Variants in TSEN34 observed in about 807,000 individuals in gnomAD.
The protein encoded by TSEN34 is tRNA splicing endonuclease subunit 34.
In TSEN34, 25 loss-of-function variants were observed where a neutral mutation model predicts 30.2. The observed-to-expected ratio is 0.83, with a 90% CI of 0.60 to 1.16. The LOEUF (loss-of-function observed/expected upper bound fraction) is 1.16. TSEN34 is among the 50% of genes most tolerant of loss of function. The pLI, the probability that TSEN34 is intolerant of heterozygous loss-of-function variation, is 0.00. For missense variants in TSEN34, 475 were observed against 411.9 expected, an observed-to-expected ratio of 1.15 and a Z score of -1.33; for synonymous variants, 209 against 177.4, an observed-to-expected ratio of 1.18 and a Z score of -1.41.
In TSEN34 at chr19:54,193,760, T is replaced by G. The variant is rs1016012408; in HGVS notation, c.*398T>G. On this transcript the variant is annotated 3_prime_UTR_variant, in exon 4 of 4. Transcript: ENST00000396388. ...AAGGCCTGGAGGAGGGGGACTGACT[T>G]GCCCAAAGTCACACACTTAGTAAAT... 5 of 703,418 alleles carry G rather than the reference T, an allele frequency of 7.1e-6. No individual in the cohort carries two copies. In the African/African-American group the frequency reaches 8.8e-5, roughly 12 times the overall value. 43.6% of individuals were successfully genotyped at this position (703,418 alleles called of 1,614,324 possible).
chr19:54,191,448 G>C lies in TSEN34; in HGVS notation c.84G>C (p.Val28=), dbSNP rs1212970068. The part of the protein sequence containing the change: ...AVQALRERLG[V]GGRTVGALPR... Reference sequence around the variant, plus strand: ...AGGCCCTCCGGGAGCGCCTGGGTGTGGGGGGCCGCACGGTAGGCGCCCTGC... The same window carrying C: ...AGGCCCTCCGGGAGCGCCTGGGTGTCGGGGGCCGCACGGTAGGCGCCCTGC... Residue 28 remains valine (V), a synonymous_variant, in exon 1 of 4, where the codon GTG becomes GTC. Transcript: ENST00000396388. 4 of 1,547,848 alleles carry C rather than the reference G, an allele frequency of 2.6e-6. No homozygotes were observed. The highest frequency in any genetic ancestry group is 3.5e-6 in the Non-Finnish European group (4 of 1,146,890).
At position 54,193,158 on chromosome 19, in the gene TSEN34, C is replaced by T. The variant is rs1381473058; in HGVS notation, c.746-17C>T. ...CTGCCATTGGTCACTGCTTCAGTGC[C>T]TCTCTCCTTCCCCCAGGTGACCCCC... On this transcript the variant is annotated splice_polypyrimidine_tract_variant and intron_variant, in intron 3 of 3. Transcript: ENST00000396388. 6 of 1,612,568 alleles carry T rather than the reference C, an allele frequency of 3.7e-6. No individual in the cohort carries two copies. The African/African-American group carries it at 8.0e-5, about 22-fold the overall frequency.
upstream of TSEN34, chr19:54,189,959 T>G: frequency 2.9e-6 from 1 of 345,856 alleles, no homozygotes; most frequent in East Asian, 6.1e-5. Context: ...GTTTACTTCG[T>G]AGATAGTTGG....
intron 3 of TSEN34, among the ~76,000 whole-genome samples, 153 bp from the exon 4 acceptor site, chr19:54,193,022 C>A (rs896859344): frequency 7.6e-5 from 6 of 78,802 alleles, no homozygotes; most frequent in African/African-American, 1.8e-4. Context: ...AAAAAAAAAG[C>A]CTAGAAGTGG....
rs2076792067 is a variant in TSEN34, at chr19:54,193,670, G to T, written c.*308G>T. Reference sequence around the variant, plus strand: ...ATAAACTTGGTATATAAATGTTCATGATTTGAATGTTTGCGACAGTCCTGG... The same window carrying T: ...ATAAACTTGGTATATAAATGTTCATTATTTGAATGTTTGCGACAGTCCTGG... On this transcript the variant is annotated 3_prime_UTR_variant, in exon 4 of 4. Transcript: ENST00000396388. 6 of 908,834 alleles carry T rather than the reference G, an allele frequency of 6.6e-6. No homozygotes were observed. In the East Asian group the frequency reaches 1.3e-4, roughly 20 times the overall value. The allele number at this position is 908,834 out of a possible 1,614,324, so 56.3% of individuals were successfully genotyped here.
In TSEN34 at chr19:54,192,296, T is replaced by C; in HGVS notation, c.668T>C (p.Ile223Thr). 1 of 1,614,100 alleles carries C rather than the reference T, an allele frequency of 6.2e-7. No homozygotes were observed. Among genetic ancestry groups the C allele is most frequent in the Non-Finnish European group, 8.5e-7 (1 of 1,180,012 alleles). The change falls in exon 3 of 4, where the codon ATC becomes ACC. Residue 223 changes from isoleucine to threonine, a missense_variant. Transcript: ENST00000396388. ...GRPAHELRYS[I>T]YRDLWERGFF... Reference sequence around the variant, plus strand: ...CCTGCCCACGAGCTGCGCTACAGTATCTACAGAGACCTGTGGGAGCGAGGC... The same window carrying C: ...CCTGCCCACGAGCTGCGCTACAGTACCTACAGAGACCTGTGGGAGCGAGGC...
At chr19:54,191,070 C>A (rs1380042866), upstream of TSEN34, 3 of 1,281,964 alleles carry the variant, frequency 2.3e-6, no homozygotes, top group African/African-American at 4.7e-5. Flanking sequence ...AGAGCGGGTG[C>A]CGACCGCAGG....
At chr19:54,191,671 C>T (rs1403332450) in intron 1 of TSEN34, 50 bp from the exon 2 acceptor site, 4 of 1,612,218 alleles carry the variant, frequency 2.5e-6, no homozygotes, top group South Asian at 2.2e-5. Context: ...AGTTTCCTGG[C>T]TTCTGAAGGG....
At chr19:54,190,334 G>C, upstream of TSEN34, 1 of 1,523,290 alleles carries the variant, frequency 6.6e-7, no homozygotes, top group Non-Finnish European at 8.9e-7. Context: ...GGTGCGCAGT[G>C]GGTGGCTCCA....
chr19:54,190,553 TG>T (rs1336229441), upstream of TSEN34: 14 of 1,232,382 alleles, frequency 1.1e-5, no homozygotes, highest in East Asian at 4.1e-4. Flanking sequence ...TGGGGTGCGC[TG>T]GCGCTCGGAG....
upstream of TSEN34, chr19:54,190,686 T>G: frequency 3.3e-6 from 4 of 1,211,314 alleles, no homozygotes; most frequent in East Asian, 3.5e-5. Flanking sequence ...GAACGTCAAA[T>G]TGCTGGCGTT....
Position 54,193,499 on chromosome 19 carries a change from AC to A in TSEN34, c.*138del. 6.5e-7 allele frequency: 1 copy of A among 1,546,528 alleles called. No homozygotes were observed. The highest frequency in any genetic ancestry group is 2.0e-5 in the Admixed American group (1 of 50,752). ...TTTTGATTCCAGGTTTTCGAACACTACATCTTTTTTATGTTCTTCCTTGTTT... is the reference window on the plus strand; with the variant it reads ...TTTTGATTCCAGGTTTTCGAACACTAATCTTTTTTATGTTCTTCCTTGTTT... On this transcript the variant is annotated 3_prime_UTR_variant, in exon 4 of 4. Coordinates refer to ENST00000396388, the MANE Select transcript of TSEN34 (RefSeq NM_001077446.4).
chr19:54,191,233 T>C (rs556681605), upstream of TSEN34: 42 of 1,444,242 alleles, frequency 2.9e-5, no homozygotes, highest in South Asian at 2.0e-4. Flanking sequence ...GAACGGCGGC[T>C]GAGCGAGGCC....
At chr19:54,192,011 G>A in intron 2 of TSEN34, 47 bp downstream of exon 2, 1 of 1,589,696 alleles carries the variant, frequency 6.3e-7, no homozygotes, top group African/African-American at 1.3e-5. Context: ...GGAGAGGAGA[G>A]ATCTTTTAGG....
rs758188737 is a variant in TSEN34 at position 54,191,514 on chromosome 19, G to C, written c.150G>C (p.Leu50=). 5 of 1,591,642 alleles carry C rather than the reference G, an allele frequency of 3.1e-6. No homozygotes were observed. Among genetic ancestry groups the C allele is most frequent in the Non-Finnish European group, 2.6e-6 (3 of 1,174,140 alleles). The part of the protein sequence containing the change: ...PRQNSRLGLP[L]LLMPEEARLL... ...AGAACTCGCGCCTGGGCCTCCCGCT[G>C]CTGCTGATGCCCGAAGAGGCGCGGC... The change falls in exon 1 of 4, where the codon CTG becomes CTC. Residue 50 remains leucine (L), a synonymous_variant. Coordinates refer to ENST00000396388, the MANE Select transcript of TSEN34 (RefSeq NM_001077446.4).
upstream of TSEN34, chr19:54,189,488 C>G (rs2147057134): frequency 6.6e-6 from 1 of 152,670 alleles, no homozygotes; most frequent in Admixed American, 6.5e-5. Context: ...GGGGAAGAAG[C>G]CACGGTCAGG....
chr19:54,190,151 C>A, upstream of TSEN34: 3 of 563,678 alleles, frequency 5.3e-6, no homozygotes, highest in South Asian at 2.0e-5. Flanking sequence ...GGAGAGGAAG[C>A]GGCAGAGGGA....
upstream of TSEN34, chr19:54,190,312 A>G (rs1568840278): frequency 6.8e-6 from 10 of 1,480,142 alleles, no homozygotes; most frequent in Non-Finnish European, 9.2e-6. Flanking sequence ...TGGAGCAAGG[A>G]GCGCGTGGCG....
At chr19:54,190,931 G>A (rs2076652200), upstream of TSEN34, 4 of 1,054,702 alleles carry the variant, frequency 3.8e-6, no homozygotes, top group Non-Finnish European at 4.6e-6. Flanking sequence ...GGGAACACCC[G>A]AAGGGGGACG....
Sources: gnomAD v4.1 joint callset for allele counts (sites outside exome capture counted in the v4.1 genomes callset) on GRCh38, gnomAD v4.1.1 for gene constraint, MANE v1.5 for transcripts, NCBI Gene and HGNC (gene_info 2026-07-23, HGNC 2026-07-21) for gene names.